Variants in SMAD6 observed in about 807,000 individuals in gnomAD.
SMAD6 encodes MAD homolog 6.
SMAD6 carries 103 observed loss-of-function variants against 39.4 expected under a neutral mutation model. The observed-to-expected ratio is 2.62, with a 90% CI of 2.23 to 3.08. The LOEUF is 3.08. SMAD6 is among the 30% of genes most tolerant of loss of function. The probability of loss-of-function intolerance (pLI) is 0.00; values close to 1 mark genes in which losing one functional copy is unlikely to be tolerated. For synonymous variants in SMAD6, 445 were observed against 353.3 expected (o/e 1.26, Z -2.91); for missense variants, 1,104 against 742.9 (o/e 1.49, Z -5.65).
At position 66,781,195 on chromosome 15, in the gene SMAD6, G is replaced by A. The variant is rs748124400; in HGVS notation, c.1151G>A (p.Arg384His). 1.9e-6 allele frequency: 3 copies of A among 1,608,048 alleles called. No individual in the cohort carries two copies. The highest frequency in any genetic ancestry group is 2.2e-5 in the South Asian group (2 of 91,050). ...EQRSESVRRT[R>H]SKIGFGILLS... ...CGCAGCGAGTCGGTGCGGCGAACGC[G>A]CAGCAAGATCGGCTTCGGCATCCTG... is the stretch of plus-strand genomic sequence containing the variant. The change falls in exon 4 of 4, where the codon CGC (arginine) becomes CAC (histidine). Residue 384 changes from arginine (R) to histidine (H), a missense_variant. Transcript: ENST00000288840.
At chr15:66,727,869 A>T (rs1242909012) in intron 3 of SMAD6, among the ~76,000 whole-genome samples, 13 of 149,808 alleles carry the variant, frequency 8.7e-5, no homozygotes, top group African/African-American at 2.9e-4. Flanking sequence ...TTTTTTTTTT[A>T]GAGATAGAGT....
At chr15:66,754,421 C>T (rs1894061723) in intron 3 of SMAD6, among the ~76,000 whole-genome samples, 1 of 152,218 alleles carries the variant, frequency 6.6e-6, no homozygotes, top group African/African-American at 2.4e-5. Context: ...TGCACGTGGA[C>T]ATACACTGTT....
intron 3 of SMAD6, among the ~76,000 whole-genome samples, chr15:66,763,850 A>G (rs1894246210): frequency 6.6e-6 from 1 of 152,238 alleles, no homozygotes; most frequent in South Asian, 2.1e-4. Context: ...CCCCTGGCCA[A>G]ACGCCCTAGG....
intron 2 of SMAD6, among the ~76,000 whole-genome samples, chr15:66,716,044 T>C (rs1893322931): frequency 6.6e-6 from 1 of 152,196 alleles, no homozygotes; most frequent in Non-Finnish European, 1.5e-5. Flanking sequence ...TCAAGAATTT[T>C]AATGGTTGTA....
At chr15:66,737,822 C>T (rs115994013) in intron 3 of SMAD6, among the ~76,000 whole-genome samples, 3,183 of 152,144 alleles carry the variant, frequency 0.021, 109 homozygotes, top group African/African-American at 0.071. Context: ...GCCCCAGTGA[C>T]GCGGAGCTGA....
At chr15:66,712,963 T>C (rs893580731) in intron 2 of SMAD6, among the ~76,000 whole-genome samples, 2 of 152,054 alleles carry the variant, frequency 1.3e-5, no homozygotes, top group African/African-American at 4.8e-5. Context: ...GGTATGATTG[T>C]GCCACTACAC....
chr15:66,718,041 C>T (rs933704047), intron 3 of SMAD6, among the ~76,000 whole-genome samples: 13 of 151,224 alleles, frequency 8.6e-5, no homozygotes, highest in South Asian at 2.1e-4. Flanking sequence ...ATTCCATTGG[C>T]GTTGGTTGTC....
chr15:66,733,545 G>C (rs1423416658), intron 3 of SMAD6, among the ~76,000 whole-genome samples: 12 of 151,954 alleles, frequency 7.9e-5, no homozygotes, highest in Non-Finnish European at 4.4e-5. Context: ...CATGTTTCTT[G>C]GTGTTATTGT....
chr15:66,777,301 A>G (rs527937989), intron 3 of SMAD6, among the ~76,000 whole-genome samples: 1 of 152,178 alleles, frequency 6.6e-6, no homozygotes, highest in Admixed American at 6.5e-5. Flanking sequence ...CCAGCAGCCT[A>G]CCTGCTGGGC....
chr15:66,778,754 G>A (rs190596199), intron 3 of SMAD6, among the ~76,000 whole-genome samples: 1 of 152,260 alleles, frequency 6.6e-6, no homozygotes, highest in East Asian at 1.9e-4. Flanking sequence ...GTGTGGCCTA[G>A]CACCAAGGCG....
chr15:66,732,662 A>G (rs1349303790), intron 3 of SMAD6, among the ~76,000 whole-genome samples: 1 of 152,122 alleles, frequency 6.6e-6, no homozygotes, highest in Non-Finnish European at 1.5e-5. Flanking sequence ...TCACCTGGCC[A>G]ATTTTTAAAT....
At chr15:66,720,224 C>T (rs1380315041) in intron 3 of SMAD6, among the ~76,000 whole-genome samples, 1 of 148,836 alleles carries the variant, frequency 6.7e-6, no homozygotes, top group Non-Finnish European at 1.5e-5. Context: ...GTGTGAGTGG[C>T]TGGTAGGCAA....
At position 66,781,403 on chromosome 15, in the gene SMAD6, C is replaced by T. The variant is rs368834798; in HGVS notation, c.1359C>T (p.Asp453=). 464 of 1,603,158 alleles carry T rather than the reference C, an allele frequency of 2.9e-4. 4 individuals carry two copies. In the African/African-American group the frequency reaches 5.8e-3, roughly 20 times the overall value. The change falls in exon 4 of 4, where the codon GAC becomes GAT. Residue 453 remains aspartate, a synonymous_variant. Coordinates refer to ENST00000288840, the MANE Select transcript of SMAD6 (RefSeq NM_005585.5). Reference sequence around the variant, plus strand: ...GCCTGCAGCACGCGCCCGAGCCCGACGCCGCCGACGGCCCCTACGACCCCA... The same window carrying T: ...GCCTGCAGCACGCGCCCGAGCCCGATGCCGCCGACGGCCCCTACGACCCCA... ...RSGLQHAPEP[D]AADGPYDPNS... is the part of the protein sequence containing the mutation.
intron 3 of SMAD6, among the ~76,000 whole-genome samples, chr15:66,762,250 A>G (rs1894212797): frequency 6.6e-6 from 1 of 152,216 alleles, no homozygotes; most frequent in African/African-American, 2.4e-5. Context: ...TTCCACCTCC[A>G]GTGCCTCCCT....
intron 3 of SMAD6, among the ~76,000 whole-genome samples, chr15:66,732,974 T>A (rs1364864820): frequency 6.6e-6 from 1 of 152,102 alleles, no homozygotes; most frequent in Non-Finnish European, 1.5e-5. Flanking sequence ...TTATAATCCA[T>A]GTTGAGTTAA....
chr15:66,707,510 GC>G, intron 1 of SMAD6: 1 of 152,412 alleles, frequency 6.6e-6, no homozygotes. Flanking sequence ...GGGCTTCCAA[GC>G]CCCCGCCCTG....
intron 3 of SMAD6, among the ~76,000 whole-genome samples, chr15:66,769,461 C>T (rs1371442857): frequency 1.3e-5 from 2 of 152,106 alleles, no homozygotes; most frequent in Non-Finnish European, 2.9e-5. Context: ...GGAAGCATTC[C>T]AGATCAAGAG....
intron 3 of SMAD6, among the ~76,000 whole-genome samples, chr15:66,735,377 T>C (rs759341830): frequency 1.3e-5 from 2 of 152,224 alleles, no homozygotes; most frequent in Admixed American, 1.3e-4. Flanking sequence ...TAACTGCCTG[T>C]ATTTTTTTAG....
intron 3 of SMAD6, among the ~76,000 whole-genome samples, chr15:66,744,340 C>T (rs994598360): frequency 2.6e-5 from 4 of 152,226 alleles, no homozygotes; most frequent in Non-Finnish European, 5.9e-5. Flanking sequence ...TGGGAATGCA[C>T]TAAAGAGTAG....
Sources: allele counts gnomAD v4.1 joint callset (sites outside exome capture counted in the v4.1 genomes callset), GRCh38; gene constraint gnomAD v4.1.1; transcripts MANE v1.5; gene names NCBI Gene and HGNC (gene_info 2026-07-23, HGNC 2026-07-21).